Variants in TMIE observed in about 807,000 individuals in gnomAD.
TMIE encodes transmembrane inner ear expressed protein.
Under a neutral mutation model 16.8 loss-of-function variants are expected in TMIE, and 14 were observed. The ratio of observed to expected loss-of-function variants is 0.83; its 90% CI spans 0.55 to 1.30. TMIE has a LOEUF of 1.30. Among genes scored for constraint, TMIE ranks in the 50% most tolerant of loss-of-function variants. TMIE has a pLI of 0.00. For synonymous variants in TMIE, 75 were observed against 87.2 expected, an observed-to-expected ratio of 0.86 and a Z score of 0.78; for missense variants, 204 against 205.9, an observed-to-expected ratio of 0.99 and a Z score of 0.06.
chr3:46,699,041 C>T (rs1700438764), upstream of TMIE, among the ~76,000 whole-genome samples: 1 of 138,090 alleles, frequency 7.2e-6, no homozygotes, highest in Admixed American at 7.2e-5. Context: ...GAAACTTAAA[C>T]TTTCAAATGG....
At chr3:46,709,046 C>A in intron 2 of TMIE, 80 bp from the exon 3 acceptor site, 2 of 1,577,330 alleles carry the variant, frequency 1.3e-6, no homozygotes, top group Non-Finnish European at 1.7e-6. Context: ...TGGATGGGGG[C>A]GGGCCTGAAG....
chr3:46,706,514 C>G (rs59191033), intron 2 of TMIE, among the ~76,000 whole-genome samples: 34,366 of 152,012 alleles, frequency 0.23, 4,487 homozygotes, highest in African/African-American at 0.35. Context: ...GGGAAGGGGA[C>G]AGAAAGGCAC....
Position 46,709,833 on chromosome 3 carries a change from C to A in TMIE, c.*145C>A. 6.7e-7 allele frequency: 1 copy of A among 1,503,748 alleles called. No homozygotes were observed. The highest frequency in any genetic ancestry group is 9.0e-7 in the Non-Finnish European group (1 of 1,108,662). 93.2% of individuals were successfully genotyped at this position (1,503,748 alleles called of 1,614,324 possible). On this transcript the variant is annotated 3_prime_UTR_variant, in exon 4 of 4. Transcript: ENST00000643606. ...GAGGCCCATGGCCACATCCTCATGG[C>A]CCATCAGGGGCAGGAACCAGACAAT...
intron 2 of TMIE, among the ~76,000 whole-genome samples, chr3:46,707,352 C>A (rs778043836): frequency 2.6e-5 from 4 of 152,246 alleles, no homozygotes; most frequent in African/African-American, 7.2e-5. Context: ...ATCAACCACA[C>A]AGACCATCTC....
At position 46,709,674 on chromosome 3, in the gene TMIE, A is replaced by C. The variant is rs1700596596; in HGVS notation, c.457A>C (p.Lys153Gln). 6.2e-7 allele frequency: 1 copy of C among 1,613,936 alleles called. No homozygotes were observed. Among genetic ancestry groups the C allele is most frequent in the East Asian group, 2.2e-5 (1 of 44,838 alleles). ...TGAGAAGAATGAGGCCAAGAAGAAG[A>C]AAGGAGAGAAATGAAGACATCCTGG... is the stretch of plus-strand genomic sequence containing the variant. The part of the protein sequence containing the change: ...EDEKNEAKKK[K>Q]GEK The change falls in exon 4 of 4, where the codon AAA (lysine) becomes CAA (glutamine). Residue 153 changes from lysine (K) to glutamine (Q), a missense_variant. Physicochemically the swap from Lys to Gln is moderately conservative, Grantham distance 53 (BLOSUM62 1). Coordinates refer to ENST00000643606, the MANE Select transcript of TMIE (RefSeq NM_147196.3).
rs1390679105 is a variant in TMIE at position 46,710,548 on chromosome 3, G to T, written c.*860G>T. The T allele has an allele frequency of 4.6e-5, 7 of 152,312 alleles. No homozygotes were observed. Among genetic ancestry groups the T allele is most frequent in the Non-Finnish European group, 8.8e-5 (6 of 68,102 alleles). 9.4% of individuals were successfully genotyped at this position (152,312 alleles called of 1,614,324 possible). A position where few individuals can be genotyped will look rare whatever the true frequency, so the allele number is the denominator to read the frequency against. On this transcript the variant is annotated 3_prime_UTR_variant, in exon 4 of 4. Coordinates refer to ENST00000643606, the MANE Select transcript of TMIE (RefSeq NM_147196.3). ...GGGCTGTTCTGGTGGCCCCTTCTAT[G>T]CCCAGCTGTGCTGGGAGGTCCCAGG...
In TMIE at chr3:46,705,831, C is replaced by G. The variant is rs1271865785; in HGVS notation, c.135C>G (p.Thr45=). ...APPKPKPPPL[T]KETVVFWDMR... ...CCAAGCCCAAGCCGCCTCCGCTGAC[C>G]AAGGAGACAGTGGTGTTCTGGGACA... Residue 45 remains threonine (T), a synonymous_variant, in exon 2 of 4, where the codon ACC becomes ACG. Transcript: ENST00000643606. The G allele has an allele frequency of 5.6e-6, 9 of 1,614,020 alleles. No individual in the cohort carries two copies. The highest frequency in any genetic ancestry group is 7.6e-6 in the Non-Finnish European group (9 of 1,180,046).
chr3:46,699,057 C>CTTTTTTTTTTTTTTTTTTTT (rs1246748003), upstream of TMIE, among the ~76,000 whole-genome samples: 1 of 65,292 alleles, frequency 1.5e-5, no homozygotes, highest in African/African-American at 5.4e-5. Context: ...AATGGTGTTT[C>CTTTTTTTTTTTTTTTTTTTT]TTATTTTTTT....
At chr3:46,695,706 C>T (rs976159158) in intron 1 of TMIE, among the ~76,000 whole-genome samples, 2 of 152,192 alleles carry the variant, frequency 1.3e-5, no homozygotes, top group African/African-American at 2.4e-5. Context: ...ATCATCTGCA[C>T]GTGCAGCTGA....
Position 46,709,835 on chromosome 3 carries a change from C to T in TMIE, c.*147C>T, listed in dbSNP as rs1700599005. 1.3e-6 allele frequency: 2 copies of T among 1,494,206 alleles called. No homozygotes were observed. The highest frequency in any genetic ancestry group is 1.2e-5 in the South Asian group (1 of 81,948). The allele number at this position is 1,494,206 out of a possible 1,614,324, so 92.6% of individuals were successfully genotyped here. A position where few individuals can be genotyped will look rare whatever the true frequency, so the allele number is the denominator to read the frequency against. ...GGCCCATGGCCACATCCTCATGGCC[C>T]ATCAGGGGCAGGAACCAGACAATCT... On this transcript the variant is annotated 3_prime_UTR_variant, in exon 4 of 4. Transcript: ENST00000643606.
At chr3:46,696,864 G>T (rs1001286857), upstream of TMIE, among the ~76,000 whole-genome samples, 1 of 152,188 alleles carries the variant, frequency 6.6e-6, no homozygotes, top group Non-Finnish European at 1.5e-5. Context: ...CTTCCAGGGA[G>T]CAAGGGTGGG....
chr3:46,701,258 C>A (rs184330048), upstream of TMIE: 21,040 of 416,438 alleles, frequency 0.051, 897 homozygotes, highest in South Asian at 0.12. The surrounding 1 kb of genome is among the most constrained non-coding windows in gnomAD (Gnocchi z 4.3). Flanking sequence ...AAGGTGGGGG[C>A]AGGGAGGGGG....
In TMIE at chr3:46,701,830, G is replaced by C. The variant is rs1700481793; in HGVS notation, c.93+250G>C. Among the ~76,000 whole-genome samples, 1 of 152,124 alleles carries C rather than the reference G, an allele frequency of 6.6e-6. No individual in the cohort carries two copies. The highest frequency in any genetic ancestry group is 2.1e-4 in the South Asian group (1 of 4,830). On this transcript the variant is annotated intron_variant, in intron 1 of 3. Coordinates refer to ENST00000643606, the MANE Select transcript of TMIE (RefSeq NM_147196.3). This position sits in a 1 kb window ranked among gnomAD's most constrained non-coding sequence, Gnocchi z 4.3. ...ATTTCTGGAACATTAGTCTGACGGG[G>C]GAGACTCACCTTGACCTTAGGGATT...
At chr3:46,695,387 C>A (rs1700390056) in intron 1 of TMIE, among the ~76,000 whole-genome samples, 2 of 152,110 alleles carry the variant, frequency 1.3e-5, no homozygotes, top group South Asian at 4.2e-4. Flanking sequence ...ACGTAGTGCC[C>A]CTGCTGGTGA....
At chr3:46,694,293 G>A (rs1188660733), upstream of TMIE, among the ~76,000 whole-genome samples, 1 of 152,188 alleles carries the variant, frequency 6.6e-6, no homozygotes, top group Non-Finnish European at 1.5e-5. Flanking sequence ...GCATGAAGCC[G>A]GCCGCGTGTG....
At chr3:46,704,804 GCATGTCCCCTAGACACCCAGGGTGGAC>G (rs1167928668) in intron 1 of TMIE, among the ~76,000 whole-genome samples, 386 of 124,942 alleles carry the variant, frequency 3.1e-3, no homozygotes, top group African/African-American at 0.011. Flanking sequence ...CCAGGGTGAA[GCATGTCCCCTAGACACCCAGGGTGGAC>G]CATGTCCCCT....
At chr3:46,704,494 G>A (rs1199610756) in intron 1 of TMIE, among the ~76,000 whole-genome samples, 2 of 126,456 alleles carry the variant, frequency 1.6e-5, no homozygotes, top group African/African-American at 6.4e-5. Flanking sequence ...TAGATGCCCA[G>A]GGCAGGACCG....
chr3:46,701,725 G>T lies in TMIE; in HGVS notation c.93+145G>T. On this transcript the variant is annotated intron_variant, in intron 1 of 3. Transcript: ENST00000643606. The surrounding 1 kb of genome is among the most constrained non-coding windows in gnomAD (Gnocchi z 4.3). ...CCAGTCTCCCGGGCGATGCAGCCCT[G>T]CCCCAAGCCCTGCCAGGCTGTGAGA... is the stretch of plus-strand genomic sequence containing the variant. 1.5e-6 allele frequency: 1 copy of T among 652,670 alleles called. No individual in the cohort carries two copies. The allele number at this position is 652,670 out of a possible 1,614,324, so 40.4% of individuals were successfully genotyped here.
At chr3:46,709,389 C>T (rs1329509756) in intron 3 of TMIE, 114 bp downstream of exon 3, 9 of 1,598,074 alleles carry the variant, frequency 5.6e-6, no homozygotes, top group Middle Eastern at 1.9e-4. Flanking sequence ...GGGCCCCAGC[C>T]CTGCCCCTGG....
Sources: allele counts gnomAD v4.1 joint callset (sites outside exome capture counted in the v4.1 genomes callset), GRCh38; gene constraint gnomAD v4.1.1; non-coding constraint Gnocchi (gnomAD v3.1); transcripts MANE v1.5; gene names NCBI Gene and HGNC (gene_info 2026-07-23, HGNC 2026-07-21).